ZNF684: variants seen among roughly 807,000 people sequenced by gnomAD.
ZNF684 encodes the protein zinc finger protein 684, also known as hypothetical protein MGC27466.
A neutral mutation model predicts 12.8 loss-of-function variants in ZNF684; 13 were observed. The ratio of observed to expected loss-of-function variants is 1.02; its 90% confidence interval spans 0.66 to 1.62. The LOEUF (loss-of-function observed/expected upper bound fraction) is 1.62, where lower values mean the gene tolerates loss of function less well. Among genes scored for constraint, ZNF684 ranks in the 40% most tolerant of loss-of-function variants. ZNF684 has a pLI of 0.00. For missense variants in ZNF684, 384 were observed against 446.9 expected, an observed-to-expected ratio of 0.86 and a Z score of 1.27; for synonymous variants, 118 against 151.8, an observed-to-expected ratio of 0.78 and a Z score of 1.64.
intron 1 of ZNF684, among the ~76,000 whole-genome samples, chr1:40,532,046 G>T (rs865827983): frequency 6.6e-6 from 1 of 152,130 alleles, no homozygotes. Context: ...CTATGTAGGA[G>T]TCTGTTCATC....
At chr1:40,534,155 T>G (rs1445112394) in intron 2 of ZNF684, among the ~76,000 whole-genome samples, 3 of 151,840 alleles carry the variant, frequency 2.0e-5, no homozygotes, top group Non-Finnish European at 4.4e-5. Context: ...TGCATTAAAC[T>G]TAATAGGTTA....
At chr1:40,533,045 G>T (rs1375604808) in intron 1 of ZNF684, 98 bp from the exon 2 acceptor site, 5 of 938,848 alleles carry the variant, frequency 5.3e-6, no homozygotes, top group African/African-American at 5.0e-5. Flanking sequence ...TGAGGCTGCA[G>T]TGTGGGTACT....
chr1:40,540,475 T>C (rs1168016230), intron 2 of ZNF684, 111 bp from the exon 3 acceptor site: 1 of 1,200,186 alleles, frequency 8.3e-7, no homozygotes, highest in Non-Finnish European at 1.1e-6. Context: ...TATAACTGAT[T>C]TTCTACAAAC....
At chr1:40,536,998 G>A (rs1381104059) in intron 2 of ZNF684, among the ~76,000 whole-genome samples, 1 of 152,108 alleles carries the variant, frequency 6.6e-6, no homozygotes, top group Non-Finnish European at 1.5e-5. Context: ...CTTTATAGCA[G>A]CATGATTTTT....
chr1:40,541,595 T>G lies in ZNF684; in HGVS notation c.143-20T>G. 6.2e-7 allele frequency: 1 copy of G among 1,607,526 alleles called. No individual in the cohort carries two copies. Among genetic ancestry groups the G allele is most frequent in the Non-Finnish European group, 8.5e-7 (1 of 1,175,256 alleles). ...GCCTAGCACTTTGGCCCCACTTCTA[T>G]GCTGTTTTCCCACCAACAGGATGTC... On this transcript the variant is annotated intron_variant, in intron 3 of 4. Transcript: ENST00000372699.
intron 1 of ZNF684, among the ~76,000 whole-genome samples, chr1:40,532,582 TAGG>T (rs1645963796): frequency 6.6e-6 from 1 of 151,610 alleles, no homozygotes; most frequent in Admixed American, 6.6e-5. Flanking sequence ...TCTAAGCTCA[TAGG>T]AGATGGCGAG....
At position 40,546,555 on chromosome 1, in the gene ZNF684, T is replaced by G; in HGVS notation, c.239-7T>G. ...AACTAGGAATGTTTTGTTGTACTCCTTTTTAGAATCTGACTACCCACTTGT... is the reference window on the plus strand; with the variant it reads ...AACTAGGAATGTTTTGTTGTACTCCGTTTTAGAATCTGACTACCCACTTGT... On this transcript the variant is annotated splice_polypyrimidine_tract_variant and splice_region_variant and intron_variant, in intron 4 of 4. Transcript: ENST00000372699. 1.3e-6 allele frequency: 2 copies of G among 1,531,298 alleles called. No homozygotes were observed. Among genetic ancestry groups the G allele is most frequent in the South Asian group, 1.3e-5 (1 of 74,646 alleles). 94.9% of individuals were successfully genotyped at this position (1,531,298 alleles called of 1,614,324 possible). A position where few individuals can be genotyped will look rare whatever the true frequency, so the allele number is the denominator to read the frequency against.
At position 40,547,735 on chromosome 1, in the gene ZNF684, G is replaced by T; in HGVS notation, c.*275G>T. 1 of 231,688 alleles carries T rather than the reference G, an allele frequency of 4.3e-6. No homozygotes were observed. 14.4% of individuals were successfully genotyped at this position (231,688 alleles called of 1,614,324 possible). A position where few individuals can be genotyped will look rare whatever the true frequency, so the allele number is the denominator to read the frequency against. On this transcript the variant is annotated 3_prime_UTR_variant, in exon 5 of 5. Transcript: ENST00000372699. Reference sequence around the variant, plus strand: ...AGTGAAAACTACATTTGCCATTCCTGACTTTTAATTTTTATAATAAAATAA... The same window carrying T: ...AGTGAAAACTACATTTGCCATTCCTTACTTTTAATTTTTATAATAAAATAA...
At chr1:40,540,381 A>G (rs1406137004) in intron 2 of ZNF684, among the ~76,000 whole-genome samples, 1 of 152,094 alleles carries the variant, frequency 6.6e-6, no homozygotes, top group East Asian at 1.9e-4. Flanking sequence ...TCCCCTGTTG[A>G]ACTGTTCTGG....
chr1:40,537,694 G>T (rs1224412280), intron 2 of ZNF684, among the ~76,000 whole-genome samples: 1 of 151,636 alleles, frequency 6.6e-6, no homozygotes, highest in African/African-American at 2.4e-5. Flanking sequence ...AGTGAGCCAA[G>T]ATCACACTAC....
In ZNF684 at chr1:40,542,356, C is replaced by A. The variant is rs567768561; in HGVS notation, c.238+646C>A. Among the ~76,000 whole-genome samples the A allele has an allele frequency of 2.0e-5, 3 of 152,132 alleles. No homozygotes were observed. In the South Asian group the frequency reaches 6.2e-4, roughly 32 times the overall value. On this transcript the variant is annotated intron_variant, in intron 4 of 4. Transcript: ENST00000372699. The stretch of plus-strand genomic sequence containing the variant: ...TTATTCCTTTTCTTGCATCATAAAT[C>A]CCATCTTGCATCTTTCTTCTCCCTG...
chr1:40,531,945 TG>T (rs1335736877), intron 1 of ZNF684, among the ~76,000 whole-genome samples, 158 bp downstream of exon 1: 1 of 152,214 alleles, frequency 6.6e-6, no homozygotes, highest in East Asian at 1.9e-4. Context: ...AAGCAAGAGT[TG>T]GGCTCCGACT....
chr1:40,541,736 C>G (rs755696468), intron 4 of ZNF684, 26 bp downstream of exon 4: 5 of 1,584,348 alleles, frequency 3.2e-6, no homozygotes, highest in Non-Finnish European at 4.3e-6. Flanking sequence ...TCAGATGGGG[C>G]TGTGTGGAGT....
chr1:40,533,051 G>C, intron 1 of ZNF684, 92 bp from the exon 2 acceptor site: 1 of 1,004,516 alleles, frequency 1.0e-6, no homozygotes, highest in Non-Finnish European at 1.5e-6. Flanking sequence ...TGCAGTGTGG[G>C]TACTTATGGT....
intron 4 of ZNF684, among the ~76,000 whole-genome samples, chr1:40,542,443 T>A (rs1435404501): frequency 6.6e-6 from 1 of 152,204 alleles, no homozygotes; most frequent in Non-Finnish European, 1.5e-5. Context: ...TGATAACTTT[T>A]TGAAATTCCC....
intron 2 of ZNF684, among the ~76,000 whole-genome samples, chr1:40,534,984 GAAGAA>G (rs369058110): frequency 6.6e-5 from 10 of 152,112 alleles, no homozygotes; most frequent in African/African-American, 2.4e-4. Context: ...CCCTGTCTCT[GAAGAA>G]AAGAAAAGAT....
chr1:40,535,602 T>A lies in ZNF684; in HGVS notation c.15+2421T>A, dbSNP rs936943647. 4.5e-4 allele frequency among the ~76,000 whole-genome samples: 69 copies of A among 151,982 alleles called. No homozygotes were observed. In the South Asian group the frequency reaches 5.0e-3, roughly 11 times the overall value. On this transcript the variant is annotated intron_variant, in intron 2 of 4. Transcript: ENST00000372699. ...TTCTAGTAGATAGTTGTTTTTTTTT[T>A]ATTTTGTTTTTAATCAAGTTAAGGA...
rs1310521647 is a variant in ZNF684, at chr1:40,545,946, T to A, written c.239-616T>A. ...TTTTTTTTTTTTTTTTTTTTGGAGA[T>A]GGAGTCTCGCTCCATCACCAGGCTG... is the stretch of plus-strand genomic sequence containing the variant. On this transcript the variant is annotated intron_variant, in intron 4 of 4. Transcript: ENST00000372699. Among the ~76,000 whole-genome samples the A allele has an allele frequency of 1.5e-5, 2 of 130,414 alleles. 1 individual carries two copies. Among genetic ancestry groups the A allele is most frequent in the Non-Finnish European group, 3.2e-5 (2 of 63,072 alleles). 85.6% of individuals were successfully genotyped at this position (130,414 alleles called of 152,430 possible). A position where few individuals can be genotyped will look rare whatever the true frequency, so the allele number is the denominator to read the frequency against.
chr1:40,538,084 C>T (rs1221215132), intron 2 of ZNF684, among the ~76,000 whole-genome samples: 3 of 151,956 alleles, frequency 2.0e-5, no homozygotes, highest in Non-Finnish European at 4.4e-5. Flanking sequence ...TTCAACCTCC[C>T]AGCCTCAAAC....
Sources: gnomAD v4.1 joint callset for allele counts (sites outside exome capture counted in the v4.1 genomes callset) on GRCh38, gnomAD v4.1.1 for gene constraint, MANE v1.5 for transcripts, NCBI Gene and HGNC (gene_info 2026-07-23, HGNC 2026-07-21) for gene names.